The following RMDN2 variants were observed in gnomAD, a reference collection of about 807,000 sequenced individuals.
The protein encoded by RMDN2 is regulator of microtubule dynamics protein 2.
In RMDN2, 61 loss-of-function variants were observed where a neutral mutation model predicts 52.8. The observed-to-expected ratio is 1.16, with a 90% CI of 0.94 to 1.43. RMDN2 has a LOEUF of 1.43. Ranked by LOEUF, RMDN2 falls within the 40% of genes most tolerant of loss-of-function variation. RMDN2 has a pLI of 0.00. For missense variants in RMDN2, 592 were observed against 475.3 expected, an observed-to-expected ratio of 1.25 and a Z score of -2.28; for synonymous variants, 180 against 153.1, an observed-to-expected ratio of 1.18 and a Z score of -1.30.
At chr2:37,934,012 T>G (rs1339822718) in intron 2 of RMDN2, among the ~76,000 whole-genome samples, 2 of 152,194 alleles carry the variant, frequency 1.3e-5, no homozygotes, top group African/African-American at 4.8e-5. Flanking sequence ...TTTCCCATTT[T>G]TAAGGTGGGA....
At chr2:37,961,204 C>T (rs1670184848) in intron 2 of RMDN2, among the ~76,000 whole-genome samples, 2 of 151,918 alleles carry the variant, frequency 1.3e-5, no homozygotes, top group African/African-American at 4.8e-5. Context: ...TTGTGGTGTT[C>T]TCTGTATTTT....
At chr2:37,928,068 TAA>T (rs1666427562) in intron 1 of RMDN2, among the ~76,000 whole-genome samples, 1 of 152,210 alleles carries the variant, frequency 6.6e-6, no homozygotes, top group Admixed American at 6.5e-5. Flanking sequence ...AAGGAATTCT[TAA>T]ATCTCTTGGA....
At chr2:37,985,048 T>C (rs1395530526) in intron 5 of RMDN2, among the ~76,000 whole-genome samples, 1 of 152,084 alleles carries the variant, frequency 6.6e-6, no homozygotes, top group Non-Finnish European at 1.5e-5. Flanking sequence ...ATATGAAAAA[T>C]GTAACTCTAG....
Position 37,927,647 on chromosome 2 carries a change from A to G in RMDN2, c.-16-1615A>G, listed in dbSNP as rs72887105. 2.6e-3 allele frequency among the ~76,000 whole-genome samples: 397 copies of G among 152,394 alleles called. 4 individuals carry two copies. Among genetic ancestry groups the G allele is most frequent in the African/African-American group, 8.2e-3 (341 of 41,600 alleles). ...GGAAGATTTCCTTTAATAGACCTCT[A>G]TATCAGCGAATGGACATCCTGCCTG... is the stretch of plus-strand genomic sequence containing the variant. On this transcript the variant is annotated intron_variant, in intron 1 of 10. Transcript: ENST00000354545.
In RMDN2 at chr2:37,975,042, G is replaced by C. The variant is rs1382008880; in HGVS notation, c.628-170G>C. 6.6e-6 allele frequency: 4 copies of C among 607,926 alleles called. No homozygotes were observed. The East Asian group carries it at 8.7e-5, about 13-fold the overall frequency. The allele number at this position is 607,926 out of a possible 1,614,324, so 37.7% of individuals were successfully genotyped here. A position where few individuals can be genotyped will look rare whatever the true frequency, so the allele number is the denominator to read the frequency against. On this transcript the variant is annotated intron_variant, in intron 3 of 10. Coordinates refer to ENST00000354545, the MANE Select transcript of RMDN2 (RefSeq NM_001170791.3). Reference sequence around the variant, plus strand: ...ACATTAGGTCATATTTCTTAGCCATGAGTATTTGGATTAAAAATGTTTCAC... The same window carrying C: ...ACATTAGGTCATATTTCTTAGCCATCAGTATTTGGATTAAAAATGTTTCAC...
At chr2:38,065,354 G>A (rs1682227657) in intron 10 of RMDN2, among the ~76,000 whole-genome samples, 1 of 151,778 alleles carries the variant, frequency 6.6e-6, no homozygotes, top group African/African-American at 2.4e-5. Flanking sequence ...AGAAACAAAT[G>A]TAAGGAAATA....
At chr2:37,952,723 C>T (rs1048764901) in intron 2 of RMDN2, 1 of 154,406 alleles carries the variant, frequency 6.5e-6, no homozygotes, top group African/African-American at 2.4e-5. Flanking sequence ...TTTTTATTAA[C>T]ACAAGAATCA....
At chr2:37,976,576 C>A (rs780198557) in intron 4 of RMDN2, among the ~76,000 whole-genome samples, 1 of 152,200 alleles carries the variant, frequency 6.6e-6, no homozygotes, top group Non-Finnish European at 1.5e-5. Context: ...TCTGTGCTTT[C>A]GTTTCCCCCA....
Position 38,004,151 on chromosome 2 carries a change from G to C in RMDN2, c.1114G>C (p.Glu372Gln). Reference sequence around the variant, plus strand: ...TCATTTCCAGTGTTATACTGATCTTGAGGAAAACCAGAATGCTTTGAAGTT... The same window carrying C: ...TCATTTCCAGTGTTATACTGATCTTCAGGAAAACCAGAATGCTTTGAAGTT... ...MYLAKCYTDLEENQNALKFCN... is the reference protein window; with the variant it reads ...MYLAKCYTDLQENQNALKFCN... Residue 372 changes from glutamate (E) to glutamine (Q), a missense_variant, in exon 10 of 11, where the codon GAG becomes CAG. Glu to Gln is a conservative substitution (Grantham distance 29). Transcript: ENST00000354545. 6.2e-7 allele frequency: 1 copy of C among 1,613,746 alleles called. No individual in the cohort carries two copies. The highest frequency in any genetic ancestry group is 8.5e-7 in the Non-Finnish European group (1 of 1,179,818).
chr2:38,060,107 TA>T (rs1404757411), intron 10 of RMDN2, among the ~76,000 whole-genome samples: 14 of 137,234 alleles, frequency 1.0e-4, no homozygotes, highest in South Asian at 2.1e-4. Context: ...TATTTTATTT[TA>T]TTTTATTTTA....
chr2:37,946,388 CT>C (rs1375452390), intron 2 of RMDN2, among the ~76,000 whole-genome samples: 2 of 152,030 alleles, frequency 1.3e-5, no homozygotes, highest in African/African-American at 4.8e-5. Context: ...GGGTAAGATG[CT>C]TTATTTTTCT....
chr2:37,966,751 T>G (rs1671106821), intron 2 of RMDN2, among the ~76,000 whole-genome samples: 1 of 152,102 alleles, frequency 6.6e-6, no homozygotes, highest in African/African-American at 2.4e-5. Context: ...TATGAGAGGG[T>G]CTTCAAAAAG....
At chr2:38,034,497 C>G (rs984122539) in intron 10 of RMDN2, among the ~76,000 whole-genome samples, 2 of 152,234 alleles carry the variant, frequency 1.3e-5, no homozygotes, top group Non-Finnish European at 2.9e-5. Flanking sequence ...CAACCTTCAA[C>G]CAACTGATAA....
chr2:38,027,658 T>G (rs1436965416), intron 10 of RMDN2, among the ~76,000 whole-genome samples: 2 of 152,258 alleles, frequency 1.3e-5, no homozygotes, highest in Non-Finnish European at 2.9e-5. Flanking sequence ...TTTGTCCATT[T>G]TTCAATAGTA....
intron 2 of RMDN2, among the ~76,000 whole-genome samples, chr2:37,954,970 TA>T (rs908286535): frequency 3.3e-5 from 5 of 152,150 alleles, no homozygotes; most frequent in African/African-American, 1.2e-4. Context: ...TAAGTGAAAT[TA>T]TTTTTTTATA....
At chr2:38,064,489 C>G (rs1469689955) in intron 10 of RMDN2, among the ~76,000 whole-genome samples, 1 of 133,932 alleles carries the variant, frequency 7.5e-6, no homozygotes, top group Admixed American at 7.6e-5. Context: ...GACTCCATCT[C>G]AAAAAAAAAA....
Position 38,061,330 on chromosome 2 carries a change from C to T in RMDN2, c.1714-5652C>T, listed in dbSNP as rs951798060. On this transcript the variant is annotated intron_variant, in intron 10 of 10. Transcript: ENST00000234195. ...AATGGCAGGGAACGGTCTGGACCCACCAGTGCCATCGGCCAAGCCAGAAGC... is the reference window on the plus strand; with the variant it reads ...AATGGCAGGGAACGGTCTGGACCCATCAGTGCCATCGGCCAAGCCAGAAGC... 2.6e-5 allele frequency among the ~76,000 whole-genome samples: 4 copies of T among 152,160 alleles called. No individual in the cohort carries two copies. The East Asian group carries it at 5.8e-4, about 22-fold the overall frequency.
intron 8 of RMDN2, among the ~76,000 whole-genome samples, chr2:37,999,890 G>C (rs1015046525): frequency 2.6e-5 from 4 of 152,126 alleles, no homozygotes; most frequent in African/African-American, 9.7e-5. Context: ...CTGTCTGAAT[G>C]ACCTGGACAC....
At chr2:37,967,673 A>G (rs1160677741) in intron 2 of RMDN2, among the ~76,000 whole-genome samples, 2 of 152,230 alleles carry the variant, frequency 1.3e-5, no homozygotes, top group Non-Finnish European at 2.9e-5. Flanking sequence ...CTTCTCCACC[A>G]TGATGATACT....
Sources: allele counts gnomAD v4.1 joint callset (sites outside exome capture counted in the v4.1 genomes callset), GRCh38; gene constraint gnomAD v4.1.1; transcripts MANE v1.5; gene names NCBI Gene and HGNC (gene_info 2026-07-23, HGNC 2026-07-21).